NFKB1: variants seen among roughly 807,000 people sequenced by gnomAD.
The protein encoded by NFKB1 is nuclear factor NF-kappa-B p105 subunit.
NFKB1 carries 9 observed loss-of-function variants against 105.1 expected under a neutral mutation model. The ratio of observed to expected loss-of-function variants is 0.09; its 90% CI spans 0.05 to 0.15. NFKB1 has a LOEUF of 0.15. Among genes scored for constraint, NFKB1 ranks in the 10% least tolerant of loss-of-function variants. The probability of loss-of-function intolerance (pLI) is 1.00; values close to 1 mark genes in which losing one functional copy is unlikely to be tolerated. For missense variants in NFKB1, 830 were observed against 1,203.7 expected (o/e 0.69, Z 4.59); for synonymous variants, 440 against 442.2 (o/e 1.00, Z 0.06).
At position 102,532,232 on chromosome 4, in the gene NFKB1, G is replaced by T. The variant is rs569142980; in HGVS notation, c.119-1613G>T. On this transcript the variant is annotated intron_variant, in intron 3 of 23. Transcript: ENST00000226574. ...TTCAGATGCATTCATTTTTCAACTC[G>T]CTTCCTTGTAAATTTCTTGAATAAT... Among the ~76,000 whole-genome samples the T allele has an allele frequency of 1.5e-4, 23 of 151,868 alleles. 1 individual carries two copies. The highest frequency in any genetic ancestry group is 5.3e-4 in the African/African-American group (22 of 41,396).
chr4:102,502,436 C>T (rs1043308791), intron 1 of NFKB1, among the ~76,000 whole-genome samples: 5 of 137,630 alleles, frequency 3.6e-5, no homozygotes, highest in East Asian at 2.3e-4. Flanking sequence ...ACGATATAGT[C>T]ACCTGCTATA....
Position 102,594,996 on chromosome 4 carries a change from G to A in NFKB1, c.1300+15G>A, listed in dbSNP as rs1369384056. The stretch of plus-strand genomic sequence containing the variant: ...GATGAAGCATGGTAAGTAATGCTTT[G>A]TTCTTAATACCAAGAAAGGAAAAAA... On this transcript the variant is annotated intron_variant, in intron 13 of 23. Coordinates refer to ENST00000226574, the MANE Select transcript of NFKB1 (RefSeq NM_003998.4). The A allele has an allele frequency of 6.5e-7, 1 of 1,547,414 alleles. No homozygotes were observed. The highest frequency in any genetic ancestry group is 8.9e-7 in the Non-Finnish European group (1 of 1,124,408).
At position 102,616,805 on chromosome 4, in the gene NFKB1, A is replaced by G. The variant is rs967509590; in HGVS notation, c.*211A>G. ...GTTCACTTACAGATAGTATCTAGCAATCACAACACTGGCTGAGCGGATGCA... is the reference window on the plus strand; with the variant it reads ...GTTCACTTACAGATAGTATCTAGCAGTCACAACACTGGCTGAGCGGATGCA... On this transcript the variant is annotated 3_prime_UTR_variant, in exon 24 of 24. Transcript: ENST00000226574. 9 of 488,456 alleles carry G rather than the reference A, an allele frequency of 1.8e-5. No individual in the cohort carries two copies. The highest frequency in any genetic ancestry group is 5.5e-4 in the Middle Eastern group (1 of 1,828). The allele number at this position is 488,456 out of a possible 1,614,324, so 30.3% of individuals were successfully genotyped here.
chr4:102,512,884 T>C (rs1456620211), intron 1 of NFKB1, among the ~76,000 whole-genome samples: 2 of 152,266 alleles, frequency 1.3e-5, no homozygotes, highest in African/African-American at 2.4e-5. Context: ...AAGGACATAT[T>C]TTTATGGATT....
chr4:102,599,378 C>T (rs1427377248), intron 15 of NFKB1, among the ~76,000 whole-genome samples: 1 of 152,148 alleles, frequency 6.6e-6, no homozygotes, highest in Non-Finnish European at 1.5e-5. Flanking sequence ...CTCTTCTGTG[C>T]CGGAGTTAAT....
At chr4:102,530,589 A>G (rs1741222565) in intron 3 of NFKB1, among the ~76,000 whole-genome samples, 1 of 152,194 alleles carries the variant, frequency 6.6e-6, no homozygotes, top group Non-Finnish European at 1.5e-5. Context: ...GGGACTTAAC[A>G]GATGTTCAAA....
intron 5 of NFKB1, among the ~76,000 whole-genome samples, chr4:102,544,724 A>G (rs1722003597): frequency 6.6e-6 from 1 of 152,180 alleles, no homozygotes; most frequent in African/African-American, 2.4e-5. Context: ...TATATATTCA[A>G]AGTCACTATT....
intron 1 of NFKB1, among the ~76,000 whole-genome samples, chr4:102,514,347 C>G (rs1739986382): frequency 6.6e-6 from 1 of 152,050 alleles, no homozygotes; most frequent in African/African-American, 2.4e-5. Flanking sequence ...AACAGGATGA[C>G]CAATGTGATG....
intron 8 of NFKB1, 21 bp downstream of exon 8, chr4:102,579,060 A>AG (rs745539448): frequency 1.2e-6 from 2 of 1,606,044 alleles, no homozygotes; most frequent in Non-Finnish European, 1.7e-6. Context: ...CACTTCCAAC[A>AG]GGGGGCACAC....
chr4:102,535,275 T>G (rs1741561732), intron 4 of NFKB1, among the ~76,000 whole-genome samples: 1 of 152,162 alleles, frequency 6.6e-6, no homozygotes, highest in Non-Finnish European at 1.5e-5. Flanking sequence ...GCCAAAGTAT[T>G]TTTTCCAATA....
At chr4:102,555,901 G>A (rs1406119093) in intron 5 of NFKB1, among the ~76,000 whole-genome samples, 2 of 152,152 alleles carry the variant, frequency 1.3e-5, no homozygotes, top group Non-Finnish European at 2.9e-5. Flanking sequence ...AAATCTGGTA[G>A]CAATCTGCTA....
intron 1 of NFKB1, among the ~76,000 whole-genome samples, chr4:102,513,786 C>T (rs902729547): frequency 5.9e-5 from 9 of 151,996 alleles, no homozygotes; most frequent in African/African-American, 2.2e-4. Context: ...TAACATATTC[C>T]GCATGCTTTC....
chr4:102,589,743 C>CA (rs11449359), intron 11 of NFKB1, among the ~76,000 whole-genome samples: 28,139 of 150,564 alleles, frequency 0.19, 3,073 homozygotes, highest in Middle Eastern at 0.3. Flanking sequence ...CAGCACTAAT[C>CA]AAAAAAAAGA....
chr4:102,511,364 T>C (rs957168416), intron 1 of NFKB1, among the ~76,000 whole-genome samples: 9 of 152,222 alleles, frequency 5.9e-5, no homozygotes, highest in African/African-American at 2.2e-4. Context: ...GCTTAAATCA[T>C]GTAGTCTTTT....
chr4:102,597,896 T>C (rs1188103602), intron 15 of NFKB1, among the ~76,000 whole-genome samples: 1 of 152,230 alleles, frequency 6.6e-6, no homozygotes, highest in East Asian at 1.9e-4. Flanking sequence ...AGAGTGAATC[T>C]CTCTGGGCAA....
chr4:102,606,537 G>A lies in NFKB1; in HGVS notation c.1794G>A (p.Val598=). ...HLAVITKQED[V]VEDLLRAGAD... is the part of the protein sequence containing the mutation. ...CAGTGATCACTAAGCAGGAAGATGTGGTGGAGGATTTGCTGAGGGCTGGGG... is the reference window on the plus strand; with the variant it reads ...CAGTGATCACTAAGCAGGAAGATGTAGTGGAGGATTTGCTGAGGGCTGGGG... Residue 598 remains valine, a synonymous_variant, in exon 17 of 24, where the codon GTG becomes GTA. Transcript: ENST00000226574. 1 of 1,614,180 alleles carries A rather than the reference G, an allele frequency of 6.2e-7. No individual in the cohort carries two copies. Among genetic ancestry groups the A allele is most frequent in the Non-Finnish European group, 8.5e-7 (1 of 1,180,028 alleles).
intron 7 of NFKB1, among the ~76,000 whole-genome samples, 171 bp downstream of exon 7, chr4:102,577,210 A>G (rs1220336630): frequency 6.6e-6 from 1 of 152,160 alleles, no homozygotes; most frequent in Non-Finnish European, 1.5e-5. Context: ...GATAAAAACT[A>G]TAGCTCCATA....
At chr4:102,570,464 A>G (rs1054761917) in intron 6 of NFKB1, among the ~76,000 whole-genome samples, 1 of 151,984 alleles carries the variant, frequency 6.6e-6, no homozygotes, top group South Asian at 2.1e-4. Context: ...TATGTTATTG[A>G]TAGGGAATTT....
intron 5 of NFKB1, among the ~76,000 whole-genome samples, chr4:102,545,709 C>G (rs1722084454): frequency 6.6e-6 from 1 of 152,028 alleles, no homozygotes. Context: ...ATGTTTCAAC[C>G]ACAGAGACGC....
Sources: allele counts gnomAD v4.1 joint callset (sites outside exome capture counted in the v4.1 genomes callset), GRCh38; gene constraint gnomAD v4.1.1; transcripts MANE v1.5; gene names NCBI Gene and HGNC (gene_info 2026-07-23, HGNC 2026-07-21).